The following GRB14 variants were observed in gnomAD, a reference collection of about 807,000 sequenced individuals.
The protein encoded by GRB14 is growth factor receptor-bound protein 14.
Under a neutral mutation model 69.1 loss-of-function variants are expected in GRB14, and 38 were observed. The ratio of observed to expected loss-of-function variants is 0.55; its 90% confidence interval spans 0.42 to 0.72. The LOEUF is 0.72. Ranked by LOEUF, GRB14 falls within the 30% of genes least tolerant of loss-of-function variation. The pLI is 0.00. For synonymous variants in GRB14, 247 were observed against 241.3 expected (o/e 1.02, Z -0.22); for missense variants, 666 against 666.1 (o/e 1.00, Z 0.00).
At chr2:164,537,256 G>C (rs1165151497) in intron 3 of GRB14, among the ~76,000 whole-genome samples, 1 of 152,126 alleles carries the variant, frequency 6.6e-6, no homozygotes, top group Non-Finnish European at 1.5e-5. Flanking sequence ...ATTGCCATAA[G>C]TATTTTTAAG....
intron 2 of GRB14, among the ~76,000 whole-genome samples, chr2:164,610,863 G>T (rs1393063690): frequency 2.5e-5 from 2 of 79,102 alleles, no homozygotes; most frequent in South Asian, 3.7e-4. Flanking sequence ...AATGTGATGG[G>T]AAAAAAAAAT....
At chr2:164,579,500 T>TGCGC (rs571961893) in intron 2 of GRB14, among the ~76,000 whole-genome samples, 1,233 of 119,616 alleles carry the variant, frequency 0.01, 13 homozygotes, top group African/African-American at 0.037. Context: ...AGGGCACACT[T>TGCGC]GCACACACAC....
rs1689608465 is a variant in GRB14, at chr2:164,589,449, A to G, written c.324+30238T>C. Among the ~76,000 whole-genome samples the G allele has an allele frequency of 2.6e-5, 4 of 152,274 alleles. No homozygotes were observed. In the South Asian group the frequency reaches 6.2e-4, roughly 24 times the overall value. Reference sequence around the variant, plus strand: ...GACTCACAATTCTGCTGGCTGGAAGATTAGGCATCTGGTGAAAGCCCCAGG... The same window carrying G: ...GACTCACAATTCTGCTGGCTGGAAGGTTAGGCATCTGGTGAAAGCCCCAGG... On this transcript the variant is annotated intron_variant, in intron 2 of 13. Coordinates refer to ENST00000263915, the MANE Select transcript of GRB14 (RefSeq NM_004490.3).
Sources: gnomAD v4.1 joint callset for allele counts (sites outside exome capture counted in the v4.1 genomes callset) on GRCh38, gnomAD v4.1.1 for gene constraint, MANE v1.5 for transcripts, NCBI Gene and HGNC (gene_info 2026-07-23, HGNC 2026-07-21) for gene names.